Variants in BRAT1 observed in about 807,000 individuals in gnomAD.
BRAT1 encodes BRCA1 associated ATM activator 1.
A neutral mutation model predicts 70.6 loss-of-function variants in BRAT1; 74 were observed. The ratio of observed to expected loss-of-function variants is 1.05; its 90% CI spans 0.87 to 1.27. The LOEUF (loss-of-function observed/expected upper bound fraction) is 1.27, where lower values mean the gene tolerates loss of function less well. Ranked by LOEUF, BRAT1 falls within the 50% of genes most tolerant of loss-of-function variation. The pLI is 0.00. For synonymous variants in BRAT1, 615 were observed against 517.1 expected (o/e 1.19, Z -2.57); for missense variants, 1,203 against 1,098.2 (o/e 1.10, Z -1.35).
At chr7:2,544,059 CCCCCCAAGATG>C in intron 4 of BRAT1, 97 bp from the exon 5 acceptor site, 1 of 1,046,850 alleles carries the variant, frequency 9.6e-7, no homozygotes, top group Non-Finnish European at 1.3e-6. Context: ...TAGCAGAGGG[CCCCCCAAGATG>C]CCCCCAAATG....
chr7:2,543,116 C>G lies in BRAT1; in HGVS notation c.923+88G>C. On this transcript the variant is annotated intron_variant, in intron 6 of 13. Transcript: ENST00000340611. This position sits in a 1 kb window ranked among gnomAD's most constrained non-coding sequence, Gnocchi z 5.5. ...CTGACTGTCCCTGGTGTCCGGAACT[C>G]CCCTGCCATGAGGGCTGCGCTCTCA... The G allele has an allele frequency of 2.8e-6, 4 of 1,453,372 alleles. No individual in the cohort carries two copies. Among genetic ancestry groups the G allele is most frequent in the Non-Finnish European group, 3.6e-6 (4 of 1,096,544 alleles). The allele number at this position is 1,453,372 out of a possible 1,614,324, so 90.0% of individuals were successfully genotyped here.
At chr7:2,552,088 A>ATATATG (rs1219307357) in intron 2 of BRAT1, among the ~76,000 whole-genome samples, 2 of 16,250 alleles carry the variant, frequency 1.2e-4, no homozygotes, top group African/African-American at 5.8e-4. Flanking sequence ...TTAAATATAT[A>ATATATG]TATATATATA....
chr7:2,540,072 G>T, intron 10 of BRAT1, 184 bp from the exon 11 acceptor site: 1 of 544,816 alleles, frequency 1.8e-6, no homozygotes, highest in Non-Finnish European at 3.2e-6. Flanking sequence ...TGTCATCCAG[G>T]CTGGACTGCA....
In BRAT1 at chr7:2,541,029, C is replaced by A. The variant is rs1480099570; in HGVS notation, c.1345G>T (p.Ala449Ser). 1.9e-6 allele frequency: 3 copies of A among 1,572,354 alleles called. No homozygotes were observed. The highest frequency in any genetic ancestry group is 2.8e-5 in the African/African-American group (2 of 71,910). Residue 449 changes from alanine (A) to serine (S), a missense_variant, in exon 10 of 14, where the codon GCG becomes TCG. Physicochemically the swap from Ala to Ser is moderately conservative, Grantham distance 99. Transcript: ENST00000340611. The part of the protein sequence containing the change: ...GTGPQELVTQ[A>S]LAVLLECLES... Reference sequence around the variant, plus strand: ...AGGCACTCCAGGAGGACAGCAAGCGCCTGCGTCACCAGCTCCTGGGGGCCT... The same window carrying A: ...AGGCACTCCAGGAGGACAGCAAGCGACTGCGTCACCAGCTCCTGGGGGCCT...
intron 13 of BRAT1, 50 bp downstream of exon 13, chr7:2,539,129 A>G: frequency 6.4e-7 from 1 of 1,552,546 alleles, no homozygotes; most frequent in East Asian, 2.3e-5. Context: ...AAACGAGCAC[A>G]CACGATGGCC....
chr7:2,543,434 G>A lies in BRAT1; in HGVS notation c.804-111C>T. ...ACTGGAGGCGCCCAGCCCAAGACAGGCCTTTCCCCATGAGGGTTCCAGGGT... is the reference window on the plus strand; with the variant it reads ...ACTGGAGGCGCCCAGCCCAAGACAGACCTTTCCCCATGAGGGTTCCAGGGT... On this transcript the variant is annotated intron_variant, in intron 5 of 13. Coordinates refer to ENST00000340611, the MANE Select transcript of BRAT1 (RefSeq NM_152743.4). The surrounding 1 kb of genome is among the most constrained non-coding windows in gnomAD (Gnocchi z 5.5). 1 of 1,487,332 alleles carries A rather than the reference G, an allele frequency of 6.7e-7. No homozygotes were observed. The highest frequency in any genetic ancestry group is 1.4e-5 in the South Asian group (1 of 72,900). The allele number at this position is 1,487,332 out of a possible 1,614,324, so 92.1% of individuals were successfully genotyped here.
At chr7:2,553,712 T>C (rs1207973486) in intron 2 of BRAT1, among the ~76,000 whole-genome samples, 1 of 151,824 alleles carries the variant, frequency 6.6e-6, no homozygotes, top group Non-Finnish European at 1.5e-5. Flanking sequence ...GGCACAATCA[T>C]AGCTCACTGC....
At chr7:2,554,589 G>T in intron 1 of BRAT1, 142 bp from the exon 2 acceptor site, 1 of 1,083,436 alleles carries the variant, frequency 9.2e-7, no homozygotes, top group Non-Finnish European at 1.3e-6. Flanking sequence ...ATGATCCCCA[G>T]ACCAGAGGTC....
chr7:2,548,524 G>C (rs190604577), intron 2 of BRAT1, among the ~76,000 whole-genome samples: 1 of 152,012 alleles, frequency 6.6e-6, no homozygotes, highest in Non-Finnish European at 1.5e-5. Flanking sequence ...AAATTAGCCC[G>C]GCATGGTGGC....
At chr7:2,540,734 C>T in intron 10 of BRAT1, 1 of 424,198 alleles carries the variant, frequency 2.4e-6, no homozygotes, top group East Asian at 3.7e-5. Flanking sequence ...CCGCAGGCCG[C>T]CTGACCAGTG....
chr7:2,538,646 T>C lies in BRAT1; in HGVS notation c.1889A>G (p.Asp630Gly). 6.3e-7 allele frequency: 1 copy of C among 1,598,358 alleles called. No individual in the cohort carries two copies. Among genetic ancestry groups the C allele is most frequent in the African/African-American group, 1.3e-5 (1 of 75,030 alleles). ...CACAGTGGCCACGAACTGCTCCGTG[T>C]CCTGGGCCGCGTCGGCGTGGCCGTC... ...LRDGHADAAQ[D>G]TEQFVATVLQ... Residue 630 changes from aspartate (D) to glycine (G), a missense_variant, in exon 14 of 14, where the codon GAC (aspartate) becomes GGC (glycine). By Grantham distance (94) the Asp-to-Gly change is moderately conservative (BLOSUM62 -1). Coordinates refer to ENST00000340611, the MANE Select transcript of BRAT1 (RefSeq NM_152743.4).
At chr7:2,544,793 T>G in intron 4 of BRAT1, 116 bp downstream of exon 4, 1 of 1,436,132 alleles carries the variant, frequency 7.0e-7, no homozygotes, top group Non-Finnish European at 9.3e-7. Flanking sequence ...AGTGCAGTCT[T>G]TGCAACAACC....
rs373020561 is a variant in BRAT1, at chr7:2,542,123, G to C, written c.1012C>G (p.Pro338Ala). The C allele has an allele frequency of 5.2e-5, 81 of 1,546,158 alleles. No individual in the cohort carries two copies. The Middle Eastern group carries it at 4.8e-3, about 91-fold the overall frequency. ...CAGCCCTTTCTAAGCAGCACACCTG[G>C]GGGTCCGGGGGCCTGAACCGTGGCC... ...LKATVQAPGPPGLLDGTADDA... is the reference protein window; with the variant it reads ...LKATVQAPGPAGLLDGTADDA... Residue 338 changes from proline to alanine, a missense_variant, in exon 7 of 14, where the codon CCA (proline) becomes GCA (alanine). Physicochemically the swap from Pro to Ala is conservative, Grantham distance 27. Transcript: ENST00000340611.
chr7:2,541,148 G>C, intron 9 of BRAT1, 96 bp from the exon 10 acceptor site: 1 of 1,342,610 alleles, frequency 7.4e-7, no homozygotes, highest in Admixed American at 3.2e-5. Flanking sequence ...TCATCCGCCA[G>C]CTGAAACCTC....
chr7:2,540,854 G>T, intron 10 of BRAT1, 125 bp downstream of exon 10: 2 of 1,017,874 alleles, frequency 2.0e-6, no homozygotes, highest in Non-Finnish European at 2.7e-6. Context: ...TCTCTGAGCA[G>T]CAGCTCTGTG....
intron 3 of BRAT1, among the ~76,000 whole-genome samples, chr7:2,546,072 C>A (rs1240331326): frequency 6.6e-6 from 1 of 152,240 alleles, no homozygotes; most frequent in Non-Finnish European, 1.5e-5. Flanking sequence ...CCGACAGACT[C>A]AGCGGTGCCT....
In BRAT1 at chr7:2,540,971, C is replaced by G. The variant is rs1340591380; in HGVS notation, c.1395+8G>C. On this transcript the variant is annotated splice_region_variant and intron_variant, in intron 10 of 13. Transcript: ENST00000340611. ...TCCTCTCCTCGCTCTCTATCCCCAC[C>G]ACCGTACCGTGGGGCTGGAGCCGGG... 1 of 1,543,144 alleles carries G rather than the reference C, an allele frequency of 6.5e-7. No homozygotes were observed. The highest frequency in any genetic ancestry group is 1.4e-5 in the African/African-American group (1 of 70,424).
intron 4 of BRAT1, chr7:2,544,177 T>G: frequency 2.5e-6 from 1 of 395,684 alleles, no homozygotes; most frequent in Non-Finnish European, 4.5e-6. Flanking sequence ...CTTGTGATGC[T>G]TCCCAATTCG....
At chr7:2,549,405 A>C (rs1779838122) in intron 2 of BRAT1, among the ~76,000 whole-genome samples, 1 of 152,198 alleles carries the variant, frequency 6.6e-6, no homozygotes, top group African/African-American at 2.4e-5. Flanking sequence ...TGAGCCCAGG[A>C]GGTCAAGGCT....
Sources: allele counts gnomAD v4.1 joint callset (sites outside exome capture counted in the v4.1 genomes callset), GRCh38; gene constraint gnomAD v4.1.1; non-coding constraint Gnocchi (gnomAD v3.1); transcripts MANE v1.5; gene names NCBI Gene and HGNC (gene_info 2026-07-23, HGNC 2026-07-21).